Variants in KLHDC10 observed in about 807,000 individuals in gnomAD.
KLHDC10 encodes the protein kelch domain-containing protein 10.
Under a neutral mutation model 56.1 loss-of-function variants are expected in KLHDC10, and 24 were observed. The observed-to-expected ratio is 0.43, with a 90% CI of 0.31 to 0.60. The LOEUF is 0.60. Ranked by LOEUF, KLHDC10 falls within the 20% of genes least tolerant of loss-of-function variation. The pLI, the probability that KLHDC10 is intolerant of heterozygous loss-of-function variation, is 0.11. For missense variants in KLHDC10, 349 were observed against 567.0 expected, an observed-to-expected ratio of 0.62 and a Z score of 3.91; for synonymous variants, 188 against 207.1, an observed-to-expected ratio of 0.91 and a Z score of 0.79.
intron 2 of KLHDC10, among the ~76,000 whole-genome samples, chr7:130,107,883 G>A (rs2402985): frequency 0.11 from 15,576 of 139,248 alleles, 968 homozygotes; most frequent in Middle Eastern, 0.18. Context: ...GGACGCGGTG[G>A]CCCGTACCGT....
At chr7:130,114,100 G>T (rs1796136368) in intron 2 of KLHDC10, among the ~76,000 whole-genome samples, 1 of 152,116 alleles carries the variant, frequency 6.6e-6, no homozygotes, top group African/African-American at 2.4e-5. Flanking sequence ...ACTTTGGCCT[G>T]ACGTTAAAGT....
At chr7:130,092,338 C>T (rs1584624601) in intron 1 of KLHDC10, among the ~76,000 whole-genome samples, 1 of 152,124 alleles carries the variant, frequency 6.6e-6, no homozygotes, top group African/African-American at 2.4e-5. Context: ...TAATATTGTT[C>T]GATTCTCTTT....
intron 1 of KLHDC10, among the ~76,000 whole-genome samples, chr7:130,085,694 C>T (rs1025803524): frequency 6.6e-6 from 1 of 150,502 alleles, no homozygotes; most frequent in Non-Finnish European, 1.5e-5. Flanking sequence ...AAACGCCGGG[C>T]GTGGTGGCTT....
intron 8 of KLHDC10, 85 bp downstream of exon 8, chr7:130,127,536 A>G: frequency 1.1e-6 from 1 of 932,490 alleles, no homozygotes; most frequent in Non-Finnish European, 1.7e-6. Flanking sequence ...GCCCCCTCAA[A>G]AGAGGCTCAT....
chr7:130,100,437 C>T (rs189044405), intron 2 of KLHDC10, among the ~76,000 whole-genome samples: 1 of 152,298 alleles, frequency 6.6e-6, no homozygotes, highest in African/African-American at 2.4e-5. Context: ...CAGTGCCTTT[C>T]ATATCTTTAC....
chr7:130,109,152 C>T (rs1395367990), intron 2 of KLHDC10, among the ~76,000 whole-genome samples: 3 of 152,096 alleles, frequency 2.0e-5, no homozygotes, highest in Non-Finnish European at 4.4e-5. Context: ...AGTGATCCAC[C>T]CGCCTTGGCC....
At chr7:130,077,446 A>AT (rs201838371) in intron 1 of KLHDC10, among the ~76,000 whole-genome samples, 1,399 of 127,282 alleles carry the variant, frequency 0.011, 20 homozygotes, top group African/African-American at 0.039. Flanking sequence ...AAAGTTGTTT[A>AT]TTTTTTTATA....
intron 1 of KLHDC10, among the ~76,000 whole-genome samples, chr7:130,083,969 G>C (rs1013091178): frequency 6.6e-6 from 1 of 152,036 alleles, no homozygotes; most frequent in African/African-American, 2.4e-5. Flanking sequence ...TCAATTCTTG[G>C]TTCTGTGTCC....
chr7:130,079,174 C>G (rs1009440701), intron 1 of KLHDC10, among the ~76,000 whole-genome samples: 8 of 151,796 alleles, frequency 5.3e-5, no homozygotes, highest in Non-Finnish European at 1.0e-4. Flanking sequence ...TCTCCTGGCT[C>G]AGCCTCCCGG....
At chr7:130,081,842 A>AT (rs1795612439) in intron 1 of KLHDC10, among the ~76,000 whole-genome samples, 1 of 151,434 alleles carries the variant, frequency 6.6e-6, no homozygotes, top group African/African-American at 2.4e-5. Flanking sequence ...CGTTGGTTTT[A>AT]TTTTTCCCTT....
chr7:130,086,136 C>T (rs1431672762), intron 1 of KLHDC10, among the ~76,000 whole-genome samples: 1 of 152,094 alleles, frequency 6.6e-6, no homozygotes, highest in Non-Finnish European at 1.5e-5. Context: ...TTAAAGTAAG[C>T]AGTCCTTGTC....
rs545411931 is a variant in KLHDC10 at position 130,072,718 on chromosome 7, G to A, written c.166+1909G>A. 2.6e-5 allele frequency among the ~76,000 whole-genome samples: 4 copies of A among 151,862 alleles called. No individual in the cohort carries two copies. The South Asian group carries it at 8.3e-4, about 32-fold the overall frequency. ...AATAGGATGTCTAGGCTTGGTTGAC[G>A]GGCCTTGGAGATAAAACCTTTTATT... On this transcript the variant is annotated intron_variant, in intron 1 of 9. Transcript: ENST00000335420.
At chr7:130,090,900 C>A (rs1424390276) in intron 1 of KLHDC10, among the ~76,000 whole-genome samples, 1 of 152,082 alleles carries the variant, frequency 6.6e-6, no homozygotes, top group East Asian at 1.9e-4. Flanking sequence ...CCTGATACAG[C>A]CACAGCCACC....
In KLHDC10 at chr7:130,076,385, A is replaced by G. The variant is rs536042149; in HGVS notation, c.166+5576A>G. 1.2e-3 allele frequency among the ~76,000 whole-genome samples: 188 copies of G among 151,954 alleles called. 4 individuals are homozygous for G. In the South Asian group the frequency reaches 0.038, roughly 31 times the overall value. Reference sequence around the variant, plus strand: ...TCTTAGCCATTGACACGTTGCAGATATTTTTCACAGTTTTTCATTTGCGTT... The same window carrying G: ...TCTTAGCCATTGACACGTTGCAGATGTTTTTCACAGTTTTTCATTTGCGTT... On this transcript the variant is annotated intron_variant, in intron 1 of 9. Coordinates refer to ENST00000335420, the MANE Select transcript of KLHDC10 (RefSeq NM_014997.4).
At chr7:130,098,588 CTATTTA>C (rs1795885273) in intron 2 of KLHDC10, among the ~76,000 whole-genome samples, 1 of 151,898 alleles carries the variant, frequency 6.6e-6, no homozygotes, top group Non-Finnish European at 1.5e-5. Flanking sequence ...TTTCTTTTTT[CTATTTA>C]TAAGTTAGAA....
At chr7:130,075,353 T>C (rs1795483331) in intron 1 of KLHDC10, among the ~76,000 whole-genome samples, 1 of 152,164 alleles carries the variant, frequency 6.6e-6, no homozygotes, top group African/African-American at 2.4e-5. Context: ...AAAATAATAC[T>C]GTAGTCTTAA....
intron 5 of KLHDC10, 69 bp downstream of exon 5, chr7:130,122,271 A>G: frequency 6.9e-7 from 1 of 1,459,382 alleles, no homozygotes; most frequent in East Asian, 2.4e-5. Context: ...GAGTGTTGGC[A>G]ATATGAAGAA....
At chr7:130,100,724 A>G (rs1408328048) in intron 2 of KLHDC10, among the ~76,000 whole-genome samples, 4 of 152,112 alleles carry the variant, frequency 2.6e-5, no homozygotes, top group Non-Finnish European at 4.4e-5. Flanking sequence ...ATATTTTGGA[A>G]TTCTTTATAT....
At chr7:130,084,496 A>G (rs1248009019) in intron 1 of KLHDC10, among the ~76,000 whole-genome samples, 1 of 152,188 alleles carries the variant, frequency 6.6e-6, no homozygotes, top group African/African-American at 2.4e-5. Flanking sequence ...TAACAAGGCT[A>G]GATGCGGTGG....
Sources: gnomAD v4.1 joint callset for allele counts (sites outside exome capture counted in the v4.1 genomes callset) on GRCh38, gnomAD v4.1.1 for gene constraint, MANE v1.5 for transcripts, NCBI Gene and HGNC (gene_info 2026-07-23, HGNC 2026-07-21) for gene names.